SHTN1: variants seen among roughly 807,000 people sequenced by gnomAD.
SHTN1 encodes the protein shootin-1.
SHTN1 carries 42 observed loss-of-function variants against 83.1 expected under a neutral mutation model. That is an observed-to-expected ratio of 0.51 (90% CI 0.39 to 0.65). The LOEUF is 0.65. SHTN1 is among the 30% of genes least tolerant of loss of function. The pLI is 0.00. For synonymous variants in SHTN1, 224 were observed against 247.7 expected, an observed-to-expected ratio of 0.90 and a Z score of 0.90; for missense variants, 622 against 737.8, an observed-to-expected ratio of 0.84 and a Z score of 1.82.
At chr10:117,057,883 C>T (rs1450447174) in intron 1 of SHTN1, among the ~76,000 whole-genome samples, 5 of 152,062 alleles carry the variant, frequency 3.3e-5, no homozygotes, top group African/African-American at 1.2e-4. Flanking sequence ...TTTAAAGAAA[C>T]AGGAAAGTAT....
At chr10:117,087,185 C>G (rs1167633135) in intron 1 of SHTN1, among the ~76,000 whole-genome samples, 1 of 22,864 alleles carries the variant, frequency 4.4e-5, no homozygotes, top group Non-Finnish European at 2.6e-3. Context: ...CGAAGAATTT[C>G]TGTAAACATA....
intron 1 of SHTN1, among the ~76,000 whole-genome samples, chr10:117,102,970 G>A (rs1478620054): frequency 1.3e-5 from 2 of 152,138 alleles, no homozygotes; most frequent in Non-Finnish European, 2.9e-5. Flanking sequence ...GAAGCTTCAC[G>A]CCACTGAATT....
At chr10:116,915,531 A>T in intron 12 of SHTN1, 47 bp from the exon 13 acceptor site, 1 of 1,047,650 alleles carries the variant, frequency 9.5e-7, no homozygotes, top group Non-Finnish European at 1.5e-6. Flanking sequence ...ACAAGAAAAC[A>T]GCTACTTCCT....
chr10:116,974,022 T>A (rs1264035754), intron 2 of SHTN1: 11 of 1,068,018 alleles, frequency 1.0e-5, no homozygotes, highest in Non-Finnish European at 1.3e-5. Context: ...CCCACTAGGA[T>A]GGAATTCCTT....
upstream of SHTN1, among the ~76,000 whole-genome samples, chr10:117,006,973 G>T (rs1413894646): frequency 2.6e-5 from 4 of 151,982 alleles, no homozygotes; most frequent in Non-Finnish European, 5.9e-5. Context: ...ACTTTAGCAT[G>T]AGTGATTTAG....
chr10:116,951,793 T>C, intron 6 of SHTN1, 116 bp downstream of exon 6: 1 of 454,110 alleles, frequency 2.2e-6, no homozygotes, highest in African/African-American at 2.0e-5. Context: ...AAGATTAAAA[T>C]TGGTACATGG....
At chr10:117,100,795 G>A (rs763713189) in intron 1 of SHTN1, among the ~76,000 whole-genome samples, 11 of 152,124 alleles carry the variant, frequency 7.2e-5, no homozygotes, top group Non-Finnish European at 1.5e-4. Flanking sequence ...GAGTTGGCTC[G>A]GCAAAAAATT....
chr10:116,881,493 AC>A lies in SHTN1; in HGVS notation c.*4850del, dbSNP rs1021026843. On this transcript the variant is annotated 3_prime_UTR_variant, in exon 17 of 17. Transcript: ENST00000355371. The stretch of plus-strand genomic sequence containing the variant: ...CTGGCACCATTGGATTAGACAGTAA[AC>A]TTTATTGTTACTTTAAATAGGTTTC... The A allele has an allele frequency of 4.6e-6, 7 of 1,517,434 alleles. No homozygotes were observed. In the Admixed American group the frequency reaches 1.5e-4, roughly 33 times the overall value. 94.0% of individuals were successfully genotyped at this position (1,517,434 alleles called of 1,614,324 possible).
chr10:116,931,410 G>A (rs184002915), intron 9 of SHTN1, among the ~76,000 whole-genome samples: 3 of 152,082 alleles, frequency 2.0e-5, no homozygotes, highest in East Asian at 3.9e-4. Context: ...CACCACACCC[G>A]GCTAATTTTT....
chr10:116,888,195 T>G (rs774879483), intron 16 of SHTN1, among the ~76,000 whole-genome samples: 30 of 152,168 alleles, frequency 2.0e-4, no homozygotes, highest in Admixed American at 1.2e-3. Flanking sequence ...TTTGCCTGAT[T>G]ATGGCACCAT....
intron 2 of SHTN1, among the ~76,000 whole-genome samples, chr10:117,037,998 C>A (rs372444099): frequency 6.9e-3 from 518 of 75,422 alleles, no homozygotes; most frequent in East Asian, 0.018. Flanking sequence ...AGCGAGACTT[C>A]AAAAAAAAAA....
intron 1 of SHTN1, among the ~76,000 whole-genome samples, chr10:116,990,424 G>A (rs140426249): frequency 1.3e-5 from 2 of 151,656 alleles, no homozygotes; most frequent in East Asian, 3.9e-4. Context: ...TCTCCCAGGG[G>A]GCACGAATTG....
intron 9 of SHTN1, among the ~76,000 whole-genome samples, chr10:116,932,290 G>A (rs147914466): frequency 2.6e-4 from 39 of 152,270 alleles, no homozygotes; most frequent in East Asian, 1.4e-3. Context: ...CAGCAGGCAC[G>A]AGCAAGCATT....
intron 2 of SHTN1, among the ~76,000 whole-genome samples, chr10:116,970,219 A>T (rs886189826): frequency 1.3e-5 from 2 of 152,162 alleles, no homozygotes; most frequent in Non-Finnish European, 2.9e-5. Flanking sequence ...TTGGAAAAAA[A>T]CTTCTATCAA....
chr10:116,970,830 C>T (rs1031997217), intron 2 of SHTN1, among the ~76,000 whole-genome samples: 10 of 151,220 alleles, frequency 6.6e-5, no homozygotes, highest in Admixed American at 2.6e-4. Flanking sequence ...CTTTATGATA[C>T]ATCTAATATA....
chr10:116,981,882 C>A (rs1228968614), intron 1 of SHTN1, among the ~76,000 whole-genome samples: 1 of 152,086 alleles, frequency 6.6e-6, no homozygotes, highest in Non-Finnish European at 1.5e-5. Context: ...CATGGTGAAA[C>A]ACCGTCTCTA....
intron 1 of SHTN1, among the ~76,000 whole-genome samples, chr10:117,054,825 G>A (rs569156448): frequency 3.3e-5 from 5 of 152,134 alleles, no homozygotes; most frequent in East Asian, 3.9e-4. Flanking sequence ...GTAAGACTCC[G>A]CTTCAAGATA....
In SHTN1 at chr10:116,906,659, C is replaced by A. The variant is rs548829750; in HGVS notation, c.1448G>T (p.Arg483Leu). 3 of 1,613,270 alleles carry A rather than the reference C, an allele frequency of 1.9e-6. No homozygotes were observed. The East Asian group carries it at 6.7e-5, about 36-fold the overall frequency. ...SETELERILR[R>L]RKVTAEADSS... Reference sequence around the variant, plus strand: ...ATCTGCTTCTGCTGTCACCTTTCTGCGACGCAAAATCCTTTCTAACTCAGT... The same window carrying A: ...ATCTGCTTCTGCTGTCACCTTTCTGAGACGCAAAATCCTTTCTAACTCAGT... Residue 483 changes from arginine to leucine, a missense_variant, in exon 15 of 17, where the codon CGC becomes CTC. This residue lies in a region of SHTN1 where 231 missense variants were observed against 251.6 expected (regional missense o/e 0.92). Transcript: ENST00000355371.
intron 2 of SHTN1, chr10:116,973,934 C>A: frequency 7.9e-7 from 1 of 1,273,334 alleles, no homozygotes; most frequent in Non-Finnish European, 1.0e-6. Context: ...ACTGCTCCAC[C>A]TATGTAAGTC....
Sources: gnomAD v4.1 joint callset for allele counts (sites outside exome capture counted in the v4.1 genomes callset) on GRCh38, gnomAD v4.1.1 for gene constraint, gnomAD v4.1.1 regional missense constraint, MANE v1.5 for transcripts, NCBI Gene and HGNC (gene_info 2026-07-23, HGNC 2026-07-21) for gene names.